The following HPX variants were observed in gnomAD, a reference collection of about 807,000 sequenced individuals.
HPX encodes beta-1B-glycoprotein.
A neutral mutation model predicts 53.8 loss-of-function variants in HPX; 42 were observed. The observed-to-expected ratio is 0.78, with a 90% CI of 0.61 to 1.01. The LOEUF (loss-of-function observed/expected upper bound fraction) is 1.01. Among genes scored for constraint, HPX ranks in the 50% least tolerant of loss-of-function variants. The pLI, the probability that HPX is intolerant of heterozygous loss-of-function variation, is 0.00. For missense variants in HPX, 547 were observed against 594.3 expected, an observed-to-expected ratio of 0.92 and a Z score of 0.83; for synonymous variants, 229 against 221.1, an observed-to-expected ratio of 1.04 and a Z score of -0.32.
chr11:6,433,874 C>A (rs1038654526), intron 7 of HPX, among the ~76,000 whole-genome samples: 3 of 152,184 alleles, frequency 2.0e-5, no homozygotes, highest in African/African-American at 7.2e-5. Context: ...GTGCTGCTCA[C>A]CCTCCCTAAA....
chr11:6,439,805 T>C (rs1409248963), intron 4 of HPX: 1 of 345,542 alleles, frequency 2.9e-6, no homozygotes, highest in African/African-American at 2.1e-5. Flanking sequence ...CATGCTCTTC[T>C]AGCCAGGTGC....
chr11:6,439,311 C>G (rs1377710424), intron 4 of HPX, among the ~76,000 whole-genome samples: 1 of 152,092 alleles, frequency 6.6e-6, no homozygotes, highest in Non-Finnish European at 1.5e-5. Flanking sequence ...ATCATGAGAC[C>G]CTGTGTGCAC....
intron 7 of HPX, among the ~76,000 whole-genome samples, chr11:6,434,802 T>C (rs1849394425): frequency 6.6e-6 from 1 of 152,080 alleles, no homozygotes; most frequent in South Asian, 2.1e-4. Context: ...GAAATCTTAC[T>C]AGGAAAAAAG....
At chr11:6,440,419 G>T in intron 3 of HPX, 48 bp downstream of exon 3, 1 of 1,590,646 alleles carries the variant, frequency 6.3e-7, no homozygotes, top group Non-Finnish European at 8.6e-7. Context: ...CCTTTGTGAA[G>T]GAGAGTAAGT....
chr11:6,432,247 A>G (rs1360612109), intron 7 of HPX: 1 of 570,032 alleles, frequency 1.8e-6, no homozygotes, highest in Non-Finnish European at 3.1e-6. Context: ...GCAAGTGTGG[A>G]AAACAGTGGC....
At chr11:6,436,900 G>C in intron 7 of HPX, 146 bp downstream of exon 7, 2 of 847,698 alleles carry the variant, frequency 2.4e-6, no homozygotes, top group Admixed American at 4.5e-5. Context: ...TCAGAGATGA[G>C]GGATGCAGAA....
chr11:6,431,267 C>T lies in HPX; in HGVS notation c.1333G>A (p.Ala445Thr). 1 of 1,614,268 alleles carries T rather than the reference C, an allele frequency of 6.2e-7. No homozygotes were observed. The highest frequency in any genetic ancestry group is 8.5e-7 in the Non-Finnish European group (1 of 1,180,044). Residue 445 changes from alanine to threonine, a missense_variant, in exon 10 of 10, where the codon GCC (alanine) becomes ACC (threonine). Coordinates refer to ENST00000265983, the MANE Select transcript of HPX (RefSeq NM_000613.3). ...CYSDVEKLNA[A>T]KALPQPQNVT... The stretch of plus-strand genomic sequence containing the variant: ...TTCTGGGGTTGCGGAAGGGCCTTGG[C>T]TGCATTCAGTTTCTCCACATCACTG...
chr11:6,436,244 T>C (rs569243141), intron 7 of HPX, among the ~76,000 whole-genome samples: 53 of 152,120 alleles, frequency 3.5e-4, no homozygotes, highest in Non-Finnish European at 6.3e-4. Context: ...CCAAAAAAAT[T>C]TTGTGTGAAA....
chr11:6,435,305 G>A (rs1403302028), intron 7 of HPX, among the ~76,000 whole-genome samples: 3 of 151,832 alleles, frequency 2.0e-5, no homozygotes, highest in African/African-American at 4.8e-5. Flanking sequence ...ACAAAACTGT[G>A]AGTCAGAGAA....
At position 6,438,474 on chromosome 11, in the gene HPX, C is replaced by T; in HGVS notation, c.372G>A (p.Lys124=). The T allele has an allele frequency of 3.1e-6, 5 of 1,614,114 alleles. No homozygotes were observed. The highest frequency in any genetic ancestry group is 2.2e-5 in the East Asian group (1 of 44,892). The stretch of plus-strand genomic sequence containing the variant: ...GGAGCAACTTTGGGTATCCTTTCTC[C>T]TTCTTTTCAGGAGGGTATACCCAGA... ...DKVWVYPPEK[K]EKGYPKLLQD... is the part of the protein sequence containing the mutation. Residue 124 remains lysine (K), a synonymous_variant, in exon 5 of 10, where the codon AAG becomes AAA. Transcript: ENST00000265983.
chr11:6,438,383 G>C lies in HPX; in HGVS notation c.463C>G (p.Gln155Glu), dbSNP rs774448602. 2.5e-6 allele frequency: 4 copies of C among 1,614,154 alleles called. No individual in the cohort carries two copies. Among genetic ancestry groups the C allele is most frequent in the East Asian group, 2.2e-5 (1 of 44,882 alleles). Residue 155 changes from glutamine to glutamate, a missense_variant, in exon 5 of 10, where the codon CAA (glutamine) becomes GAA (glutamate). Physicochemically the swap from Gln to Glu is conservative, Grantham distance 29 (BLOSUM62 2). Coordinates refer to ENST00000265983, the MANE Select transcript of HPX (RefSeq NM_000613.3). ...AAVECHRGECQAEGVLFFQGD... is the reference protein window; with the variant it reads ...AAVECHRGECEAEGVLFFQGD... ...TGGAAGAAGAGGACGCCTTCAGCTT[G>C]ACATTCTCCACGGTGACATTCCACA...
At chr11:6,432,908 C>T (rs1460921466) in intron 7 of HPX, among the ~76,000 whole-genome samples, 1 of 152,170 alleles carries the variant, frequency 6.6e-6, no homozygotes, top group Non-Finnish European at 1.5e-5. Flanking sequence ...ATGCTGATGA[C>T]TTCCAATCTG....
intron 7 of HPX, among the ~76,000 whole-genome samples, chr11:6,434,879 G>C (rs191795280): frequency 2.6e-5 from 4 of 152,262 alleles, no homozygotes; most frequent in African/African-American, 7.2e-5. Context: ...AAAGTGGAGA[G>C]AACATGATGG....
Position 6,437,546 on chromosome 11 carries a change from G to C in HPX, c.597C>G (p.Tyr199Ter). The change falls in exon 6 of 10, where the codon TAC (tyrosine) becomes TAG (stop). Residue 199 changes from tyrosine (Y) to a stop codon, truncating the protein, a stop_gained. Transcript: ENST00000265983. LOFTEE classifies it high-confidence loss of function. ...GCAGGAATTGGTTACCCTGGAAGCA[G>C]TAGTAGCGGCCCAGCCATCTCAGGG... ...SSALRWLGRY[Y>*]CFQGNQFLRF... 2 of 1,614,230 alleles carry C rather than the reference G, an allele frequency of 1.2e-6. No homozygotes were observed. Among genetic ancestry groups the C allele is most frequent in the Non-Finnish European group, 1.7e-6 (2 of 1,180,018 alleles).
chr11:6,432,642 C>T (rs11040892), intron 7 of HPX, among the ~76,000 whole-genome samples: 3,492 of 152,300 alleles, frequency 0.023, 58 homozygotes, highest in Middle Eastern at 0.065. Context: ...ATGGTCAATT[C>T]TCTGTTCTCA....
In HPX at chr11:6,437,658, T is replaced by A; in HGVS notation, c.491-6A>T. The A allele has an allele frequency of 5.6e-6, 9 of 1,612,952 alleles. No individual in the cohort carries two copies. The highest frequency in any genetic ancestry group is 7.6e-6 in the Non-Finnish European group (9 of 1,179,114). ...CCAGAACCACTCGCGGTCACCTTTG[T>A]CCAATCAATCAACAGGCATTTGGTG... On this transcript the variant is annotated splice_polypyrimidine_tract_variant and splice_region_variant and intron_variant, in intron 5 of 9. Coordinates refer to ENST00000265983, the MANE Select transcript of HPX (RefSeq NM_000613.3).
At position 6,437,644 on chromosome 11, in the gene HPX, C is replaced by T. The variant is rs943307766; in HGVS notation, c.499G>A (p.Glu167Lys). 3 of 1,614,026 alleles carry T rather than the reference C, an allele frequency of 1.9e-6. No homozygotes were observed. Among genetic ancestry groups the T allele is most frequent in the Non-Finnish European group, 2.5e-6 (3 of 1,179,956 alleles). ...EGVLFFQGDR[E>K]WFWDLATGTM... ...CCCGTAGCCAAGTCCCAGAACCACTCGCGGTCACCTTTGTCCAATCAATCA... is the reference window on the plus strand; with the variant it reads ...CCCGTAGCCAAGTCCCAGAACCACTTGCGGTCACCTTTGTCCAATCAATCA... The change falls in exon 6 of 10, where the codon GAG becomes AAG. Residue 167 changes from glutamate (E) to lysine (K), a missense_variant. Coordinates refer to ENST00000265983, the MANE Select transcript of HPX (RefSeq NM_000613.3).
chr11:6,436,603 G>C (rs940975476), intron 7 of HPX, among the ~76,000 whole-genome samples: 41 of 152,312 alleles, frequency 2.7e-4, no homozygotes, highest in African/African-American at 8.2e-4. Context: ...TCTGGACATA[G>C]GAACCAGGAA....
intron 2 of HPX, 29 bp from the exon 3 acceptor site, chr11:6,440,567 T>TAAAAAAAAAAAAAAAAAAAAAAAAA: frequency 6.8e-6 from 4 of 589,000 alleles, no homozygotes; most frequent in South Asian, 1.9e-5. Context: ...GATGGCAAAG[T>TAAAAAAAAAAAAAAAAAAAAAAAAA]AAAAAAAAAA....
Sources: allele counts gnomAD v4.1 joint callset (sites outside exome capture counted in the v4.1 genomes callset), GRCh38; gene constraint gnomAD v4.1.1; transcripts MANE v1.5; gene names NCBI Gene and HGNC (gene_info 2026-07-23, HGNC 2026-07-21).